The following MSS51 variants were observed in gnomAD, a reference collection of about 807,000 sequenced individuals.
The protein encoded by MSS51 is MSS51 mitochondrial translational activator.
In MSS51, 32 loss-of-function variants were observed where a neutral mutation model predicts 40.2. The observed-to-expected ratio is 0.80, with a 90% CI of 0.60 to 1.07. The LOEUF (loss-of-function observed/expected upper bound fraction) is 1.07, where lower values mean the gene tolerates loss of function less well. MSS51 is among the 50% of genes least tolerant of loss of function. The probability of loss-of-function intolerance (pLI) is 0.00; values close to 1 mark genes in which losing one functional copy is unlikely to be tolerated. For synonymous variants in MSS51, 178 were observed against 214.2 expected (o/e 0.83, Z 1.48); for missense variants, 518 against 568.9 (o/e 0.91, Z 0.91).
Position 73,426,679 on chromosome 10 carries a change from C to A in MSS51, c.430G>T (p.Ala144Ser). The change falls in exon 4 of 7, where the codon GCA becomes TCA. Residue 144 changes from alanine (A) to serine (S), a missense_variant. Ala to Ser is a moderately conservative substitution (Grantham distance 99). Coordinates refer to ENST00000299432, the MANE Select transcript of MSS51 (RefSeq NM_001024593.2). ...AGCTCTTGACAAACCCTCCTGTGTG[C>A]GGGCCAGTCTGACTTCTGGCACTCT... The part of the protein sequence containing the change: ...GPECQKSDWP[A>S]HRRVCQELRL... The A allele has an allele frequency of 6.2e-7, 1 of 1,614,164 alleles. No homozygotes were observed. Among genetic ancestry groups the A allele is most frequent in the South Asian group, 1.1e-5 (1 of 91,068 alleles).
chr10:73,431,846 AG>A (rs1382427094), intron 1 of MSS51, among the ~76,000 whole-genome samples: 1 of 152,184 alleles, frequency 6.6e-6, no homozygotes, highest in Non-Finnish European at 1.5e-5. Context: ...TTAGGGTTTA[AG>A]GGTCATGTCC....
At chr10:73,424,870 C>A (rs2055970214) in intron 6 of MSS51, 98 bp from the exon 7 acceptor site, 2 of 1,045,708 alleles carry the variant, frequency 1.9e-6, no homozygotes, top group East Asian at 2.5e-5. Flanking sequence ...ACCCATCCCC[C>A]AAATTGCCTA....
At chr10:73,432,793 A>T (rs74147524) in intron 1 of MSS51, among the ~76,000 whole-genome samples, 2,296 of 152,236 alleles carry the variant, frequency 0.015, 65 homozygotes, top group African/African-American at 0.052. Flanking sequence ...CATCAGGTTC[A>T]TGTTTGAGTT....
chr10:73,424,672 C>T lies in MSS51; in HGVS notation c.1264G>A (p.Val422Ile). 1 of 1,614,022 alleles carries T rather than the reference C, an allele frequency of 6.2e-7. No homozygotes were observed. The highest frequency in any genetic ancestry group is 8.5e-7 in the Non-Finnish European group (1 of 1,179,964). The change falls in exon 7 of 7, where the codon GTC becomes ATC. Residue 422 changes from valine (V) to isoleucine (I), a missense_variant. Coordinates refer to ENST00000299432, the MANE Select transcript of MSS51 (RefSeq NM_001024593.2). ...GGCTGCTTGTTGGGACTGGAATAGA[C>T]CTGTTCAGGTTTGAGGGACATGAAA... The part of the protein sequence containing the change: ...NPFMSLKPEQ[V>I]YSSPNKQPVY...
Position 73,428,336 on chromosome 10 carries a change from AT to A in MSS51, c.-17-36del, listed in dbSNP as rs1384622769. ...ATATGCAGAATAGACATGGAATGGA[AT>A]TTTACAAGCTGGACACTTGTGAAGT... On this transcript the variant is annotated intron_variant, in intron 1 of 6. Transcript: ENST00000299432. 2.0e-6 allele frequency: 3 copies of A among 1,485,786 alleles called. No homozygotes were observed. In the South Asian group the frequency reaches 3.9e-5, roughly 19 times the overall value. The allele number at this position is 1,485,786 out of a possible 1,614,324, so 92.0% of individuals were successfully genotyped here. A position where few individuals can be genotyped will look rare whatever the true frequency, so the allele number is the denominator to read the frequency against.
In MSS51 at chr10:73,428,133, T is replaced by A; in HGVS notation, c.152A>T (p.Asp51Val). 5 of 1,614,102 alleles carry A rather than the reference T, an allele frequency of 3.1e-6. No homozygotes were observed. The highest frequency in any genetic ancestry group is 4.2e-6 in the Non-Finnish European group (5 of 1,180,016). The change falls in exon 2 of 7, where the codon GAT becomes GTT. Residue 51 changes from aspartate (D) to valine (V), a missense_variant. Asp to Val is a radical substitution (Grantham distance 152). Transcript: ENST00000299432. The stretch of plus-strand genomic sequence containing the variant: ...CTGCGATAGGCCAGGAACATTATCA[T>A]CCAAGGAGAAGAAGCCAAGTGTGTC... ...SIDTLGFFSLDDNVPGLSQLI... is the reference protein window; with the variant it reads ...SIDTLGFFSLVDNVPGLSQLI...
chr10:73,425,963 G>A lies in MSS51; in HGVS notation c.917C>T (p.Ala306Val). 6.2e-7 allele frequency: 1 copy of A among 1,614,012 alleles called. No individual in the cohort carries two copies. Among genetic ancestry groups the A allele is most frequent in the Non-Finnish European group, 8.5e-7 (1 of 1,180,002 alleles). ...TGAGGTGCTCTGTGAAAAGCCAGTA[G>A]CTACATCTACACCCACCATGACCAC... ...LRVVMVGVDVATGFSQSTSTS... is the reference protein window; with the variant it reads ...LRVVMVGVDVVTGFSQSTSTS... The change falls in exon 5 of 7, where the codon GCT becomes GTT. Residue 306 changes from alanine to valine, a missense_variant. Ala to Val is a moderately conservative substitution (Grantham distance 64, BLOSUM62 0). Transcript: ENST00000299432.
At chr10:73,427,078 C>T (rs1017466605) in intron 3 of MSS51, among the ~76,000 whole-genome samples, 2 of 150,494 alleles carry the variant, frequency 1.3e-5, no homozygotes, top group African/African-American at 5.0e-5. Context: ...TCCTTGAGTA[C>T]TCAAGAGAGA....
intron 6 of MSS51, 46 bp from the exon 7 acceptor site, chr10:73,424,818 G>A (rs764985663): frequency 2.6e-6 from 4 of 1,517,718 alleles, no homozygotes; most frequent in East Asian, 4.5e-5. Flanking sequence ...TTGTGACAGA[G>A]ATAAAGGAAA....
At chr10:73,429,160 C>T (rs545099348) in intron 1 of MSS51, among the ~76,000 whole-genome samples, 19 of 151,970 alleles carry the variant, frequency 1.3e-4, no homozygotes, top group African/African-American at 2.7e-4. Context: ...GAGCCGAGAT[C>T]GCACCATTGC....
In MSS51 at chr10:73,424,433, T is replaced by TTA. The variant is rs2055965178; in HGVS notation, c.*118_*119dup. 9.0e-6 allele frequency: 7 copies of TTA among 781,892 alleles called. No individual in the cohort carries two copies. Among genetic ancestry groups the TTA allele is most frequent in the African/African-American group, 5.3e-5 (3 of 56,908 alleles). The allele number at this position is 781,892 out of a possible 1,614,324, so 48.4% of individuals were successfully genotyped here. On this transcript the variant is annotated 3_prime_UTR_variant, in exon 7 of 7. Transcript: ENST00000299432. Reference sequence around the variant, plus strand: ...GAAACTCTCATTCAGCTTAGAATTTTTACCCAAACAGTAAATGAGGTTTAG... The same window carrying TTA: ...GAAACTCTCATTCAGCTTAGAATTTTTATACCCAAACAGTAAATGAGGTTTAG...
At chr10:73,425,315 T>C in intron 5 of MSS51, 124 bp from the exon 6 acceptor site, 1 of 630,712 alleles carries the variant, frequency 1.6e-6, no homozygotes, top group Middle Eastern at 2.6e-4. Context: ...ATCATCATCA[T>C]CATCATCCAC....
chr10:73,432,511 T>A (rs2056036011), intron 1 of MSS51, among the ~76,000 whole-genome samples: 1 of 152,028 alleles, frequency 6.6e-6, no homozygotes, highest in South Asian at 2.1e-4. Context: ...CCACTTAAGG[T>A]CAGAAAGGTA....
chr10:73,427,862 T>A, intron 2 of MSS51, 94 bp from the exon 3 acceptor site: 1 of 1,435,274 alleles, frequency 7.0e-7, no homozygotes, highest in Non-Finnish European at 9.6e-7. Context: ...ACATTTCCAC[T>A]TACTCCTATG....
At chr10:73,427,834 C>A in intron 2 of MSS51, 66 bp from the exon 3 acceptor site, 1 of 1,559,272 alleles carries the variant, frequency 6.4e-7, no homozygotes, top group Non-Finnish European at 8.8e-7. Flanking sequence ...CTCTCATGCC[C>A]CCCATCTTGT....
At chr10:73,425,568 A>AGGAGAATGGCGTGAACCCGGGAGGT (rs2055976689) in intron 5 of MSS51, among the ~76,000 whole-genome samples, 1 of 151,244 alleles carries the variant, frequency 6.6e-6, no homozygotes, top group African/African-American at 2.4e-5. Flanking sequence ...AGGCTGAGGC[A>AGGAGAATGGCGTGAACCCGGGAGGT]GGAGAATGGC....
intron 1 of MSS51, chr10:73,429,712 T>A (rs1220852791): frequency 2.2e-6 from 1 of 454,164 alleles, no homozygotes; most frequent in Non-Finnish European, 4.4e-6. Context: ...AAGGACCATA[T>A]GAGAAAAATT....
chr10:73,426,640 C>T lies in MSS51; in HGVS notation c.469G>A (p.Val157Met), dbSNP rs533210021. 2.9e-5 allele frequency: 47 copies of T among 1,614,250 alleles called. No homozygotes were observed. In the South Asian group the frequency reaches 5.1e-4, roughly 17 times the overall value. The stretch of plus-strand genomic sequence containing the variant: ...AGAAGCCATTCCATGAGACGGTCCA[C>T]AGCCACAAGACGAAGCTCTTGACAA... ...RVCQELRLVA[V>M]DRLMEWLLVT... Residue 157 changes from valine to methionine, a missense_variant, in exon 4 of 7, where the codon GTG becomes ATG. Val to Met is a conservative substitution (Grantham distance 21). Transcript: ENST00000299432.
In MSS51 at chr10:73,424,567, C is replaced by A. The variant is rs777794804; in HGVS notation, c.1369G>T (p.Asp457Tyr). 1.2e-6 allele frequency: 2 copies of A among 1,613,552 alleles called. No homozygotes were observed. The highest frequency in any genetic ancestry group is 4.5e-5 in the East Asian group (2 of 44,898). Residue 457 changes from aspartate (D) to tyrosine (Y), a missense_variant, in exon 7 of 7, where the codon GAC becomes TAC. Physicochemically the swap from Asp to Tyr is radical, Grantham distance 160. Coordinates refer to ENST00000299432, the MANE Select transcript of MSS51 (RefSeq NM_001024593.2). ...LDNRQLEEKV[D>Y]GGI ...TTATGATCTATTTAAATCCCGCCGT[C>A]CACTTTCTCTTCTAATTGCCTATTA...
Sources: gnomAD v4.1 joint callset for allele counts (sites outside exome capture counted in the v4.1 genomes callset) on GRCh38, gnomAD v4.1.1 for gene constraint, MANE v1.5 for transcripts, NCBI Gene and HGNC (gene_info 2026-07-23, HGNC 2026-07-21) for gene names.